Variants in TULP1 observed in about 807,000 individuals in gnomAD.
The protein encoded by TULP1 is tubby-related protein 1.
Under a neutral mutation model 67.1 loss-of-function variants are expected in TULP1, and 50 were observed. The observed-to-expected ratio is 0.75, with a 90% confidence interval of 0.59 to 0.94. TULP1 has a LOEUF of 0.94. TULP1 is among the 40% of genes least tolerant of loss of function. The probability of loss-of-function intolerance (pLI) is 0.00; values close to 1 mark genes in which losing one functional copy is unlikely to be tolerated. For synonymous variants in TULP1, 297 were observed against 294.0 expected (o/e 1.01, Z -0.11); for missense variants, 746 against 734.1 (o/e 1.02, Z -0.19).
intron 8 of TULP1, among the ~76,000 whole-genome samples, chr6:35,508,698 G>A (rs1159056311): frequency 6.6e-6 from 1 of 152,226 alleles, no homozygotes; most frequent in East Asian, 1.9e-4. Context: ...GCTTGGAGGA[G>A]AAACAGGGAG....
Position 35,503,481 on chromosome 6 carries a change from G to A in TULP1, c.1323+78C>T, listed in dbSNP as rs937992601. 2.9e-6 allele frequency: 4 copies of A among 1,390,866 alleles called. No homozygotes were observed. Among genetic ancestry groups the A allele is most frequent in the South Asian group, 1.2e-5 (1 of 80,806 alleles). 86.2% of individuals were successfully genotyped at this position (1,390,866 alleles called of 1,614,324 possible). ...GGAGGGTGATGGATGTGCTCAGGGA[G>A]TTGGCTATTTCCTAAGCTGAGCCCC... On this transcript the variant is annotated intron_variant, in intron 13 of 14. Coordinates refer to ENST00000229771, the MANE Select transcript of TULP1 (RefSeq NM_003322.6). The surrounding 1 kb of genome is among the most constrained non-coding windows in gnomAD (Gnocchi z 4.0).
Position 35,498,364 on chromosome 6 carries a change from G to C in TULP1, c.1592C>G (p.Ala531Gly). 1.2e-6 allele frequency: 2 copies of C among 1,613,300 alleles called. No homozygotes were observed. The highest frequency in any genetic ancestry group is 2.2e-5 in the South Asian group (2 of 90,984). Residue 531 changes from alanine (A) to glycine (G), a missense_variant, in exon 15 of 15, where the codon GCC (alanine) becomes GGC (glycine). Coordinates refer to ENST00000229771, the MANE Select transcript of TULP1 (RefSeq NM_003322.6). This position sits in a 1 kb window ranked among gnomAD's most constrained non-coding sequence, Gnocchi z 6.7. ...CAGCTTCCCGTCGAAACTGGAGAGG[G>C]CGATGGCGAAGGCCTGCAGGGCGCA... ...PLCALQAFAI[A>G]LSSFDGKLAC...
intron 11 of TULP1, chr6:35,505,498 C>T (rs373269469): frequency 8.9e-6 from 10 of 1,124,696 alleles, no homozygotes; most frequent in East Asian, 3.2e-5. Flanking sequence ...GGGCTGGCAG[C>T]AGTGTGGGCA....
chr6:35,504,006 G>A (rs777464279), intron 11 of TULP1, 158 bp from the exon 12 acceptor site: 7 of 609,576 alleles, frequency 1.1e-5, no homozygotes, highest in South Asian at 5.8e-5. Context: ...TTCCCCCTAT[G>A]CAGAGGTCTT....
At chr6:35,505,622 G>A in intron 11 of TULP1, 119 bp downstream of exon 11, 1 of 1,550,288 alleles carries the variant, frequency 6.5e-7, no homozygotes, top group Non-Finnish European at 8.7e-7. Context: ...CCTAGGCTAG[G>A]GGACGTTTCC....
rs865939231 is a variant in TULP1 at position 35,509,084 on chromosome 6, C to T, written c.822+125G>A. 6.6e-5 allele frequency: 57 copies of T among 857,358 alleles called. No individual in the cohort carries two copies. In the African/African-American group the frequency reaches 8.3e-4, roughly 13 times the overall value. The allele number at this position is 857,358 out of a possible 1,614,324, so 53.1% of individuals were successfully genotyped here. A position where few individuals can be genotyped will look rare whatever the true frequency, so the allele number is the denominator to read the frequency against. On this transcript the variant is annotated intron_variant, in intron 8 of 14. Coordinates refer to ENST00000229771, the MANE Select transcript of TULP1 (RefSeq NM_003322.6). ...TTTCCTTTGTCCTTATATCCTGTCA[C>T]AAGAGGGGGAGCCAAGGTTCTAACC...
chr6:35,498,417 GGCGTCCTCC>G lies in TULP1; in HGVS notation c.1530_1538del (p.Glu511_Ala513del), dbSNP rs1768751894. 1 of 1,613,980 alleles carries G rather than the reference GGCGTCCTCC, an allele frequency of 6.2e-7. No homozygotes were observed. Among genetic ancestry groups the G allele is most frequent in the Non-Finnish European group, 8.5e-7 (1 of 1,180,028 alleles). ...GCGGGTACCGGTAGTCTAGGGTGAA[GGCGTCCTCC>G]GCCACGCGGCCGAACTGCAGCACGA... On this transcript the variant is annotated inframe_deletion, in exon 15 of 15. Transcript: ENST00000229771. The surrounding 1 kb of genome is among the most constrained non-coding windows in gnomAD (Gnocchi z 6.7).
At chr6:35,511,579 C>T (rs973200451) in intron 4 of TULP1, 69 bp downstream of exon 4, 21 of 1,554,682 alleles carry the variant, frequency 1.4e-5, no homozygotes, top group Non-Finnish European at 1.7e-5. Context: ...GGGCCGTTCC[C>T]GTCCAGCCAG....
Position 35,512,647 on chromosome 6 carries a change from G to A in TULP1, c.91C>T (p.Pro31Ser), listed in dbSNP as rs770728357. The A allele has an allele frequency of 6.2e-7, 1 of 1,613,914 alleles. No homozygotes were observed. Among genetic ancestry groups the A allele is most frequent in the Non-Finnish European group, 8.5e-7 (1 of 1,179,998 alleles). ...ESLSPEAPRR[P>S]KQRPAPAQRL... ...CAAGTGGGGTGGCATACCTGTTTGG[G>A]GCGCCGCGGGGCCTCCGGGCTCAGG... is the stretch of plus-strand genomic sequence containing the variant. Residue 31 changes from proline (P) to serine (S), a missense_variant, in exon 2 of 15, where the codon CCC (proline) becomes TCC (serine). By Grantham distance (74) the Pro-to-Ser change is moderately conservative. This residue lies in a region of TULP1 where 359 missense variants were observed against 341.9 expected (regional missense o/e 1.05). Coordinates refer to ENST00000229771, the MANE Select transcript of TULP1 (RefSeq NM_003322.6).
chr6:35,499,314 A>G (rs1237050958), intron 14 of TULP1, among the ~76,000 whole-genome samples: 1 of 152,234 alleles, frequency 6.6e-6, no homozygotes, highest in African/African-American at 2.4e-5. Flanking sequence ...CTAAAAGGCA[A>G]CCATCTTGAA....
chr6:35,509,108 C>A lies in TULP1; in HGVS notation c.822+101G>T, dbSNP rs1761139493. 12 of 1,019,434 alleles carry A rather than the reference C, an allele frequency of 1.2e-5. No individual in the cohort carries two copies. In the South Asian group the frequency reaches 1.4e-4, roughly 12 times the overall value. 63.1% of individuals were successfully genotyped at this position (1,019,434 alleles called of 1,614,324 possible). A position where few individuals can be genotyped will look rare whatever the true frequency, so the allele number is the denominator to read the frequency against. On this transcript the variant is annotated intron_variant, in intron 8 of 14. Transcript: ENST00000229771. The stretch of plus-strand genomic sequence containing the variant: ...ACAAGAGGGGGAGCCAAGGTTCTAA[C>A]CTCAAGTGGCTCCAAGCCCCCACCC...
intron 11 of TULP1, among the ~76,000 whole-genome samples, chr6:35,504,565 T>C (rs1347572914): frequency 6.6e-6 from 1 of 152,116 alleles, no homozygotes; most frequent in East Asian, 1.9e-4. Flanking sequence ...GACTTTTTTT[T>C]TCTTTATTTT....
At chr6:35,511,569 G>A in intron 4 of TULP1, 79 bp downstream of exon 4, 1 of 1,548,742 alleles carries the variant, frequency 6.5e-7, no homozygotes. Flanking sequence ...CTGCCTCTCT[G>A]GGCCGTTCCC....
chr6:35,512,779 G>A (rs746907373), intron 1 of TULP1, 33 bp downstream of exon 1: 1 of 1,610,940 alleles, frequency 6.2e-7, no homozygotes, highest in Non-Finnish European at 8.5e-7. Context: ...GCCCCCCAGG[G>A]TTCAGGTGCC....
At position 35,498,017 on chromosome 6, in the gene TULP1, T is replaced by A; in HGVS notation, c.*310A>T. On this transcript the variant is annotated 3_prime_UTR_variant, in exon 15 of 15. Transcript: ENST00000229771. The surrounding 1 kb of genome is among the most constrained non-coding windows in gnomAD (Gnocchi z 6.7). ...GGGAGGTTAAAACAACAATGACTAC[T>A]GCTCCCGGACAGGAAGTGACTGGGG... 1 of 542,854 alleles carries A rather than the reference T, an allele frequency of 1.8e-6. No homozygotes were observed. The highest frequency in any genetic ancestry group is 3.3e-6 in the Non-Finnish European group (1 of 300,766). The allele number at this position is 542,854 out of a possible 1,614,324, so 33.6% of individuals were successfully genotyped here.
Position 35,506,161 on chromosome 6 carries a change from C to A in TULP1, c.841G>T (p.Ala281Ser), listed in dbSNP as rs751304407. Residue 281 changes from alanine (A) to serine (S), a missense_variant, in exon 10 of 15, where the codon GCC becomes TCC. Ala to Ser is a moderately conservative substitution (Grantham distance 99). This residue lies in a region of TULP1 where 383 missense variants were observed against 374.1 expected (regional missense o/e 1.02). Coordinates refer to ENST00000229771, the MANE Select transcript of TULP1 (RefSeq NM_003322.6). ...KGKKKAKEER[A>S]PSPPVEVDEP... is the part of the protein sequence containing the mutation. ...TCCACCTCCACGGGGGGAGACGGGGCCCTCTCCTCCTTCTGGGTGGGGGCA... is the reference window on the plus strand; with the variant it reads ...TCCACCTCCACGGGGGGAGACGGGGACCTCTCCTCCTTCTGGGTGGGGGCA... 1.4e-5 allele frequency: 22 copies of A among 1,613,432 alleles called. No individual in the cohort carries two copies. Among genetic ancestry groups the A allele is most frequent in the Non-Finnish European group, 1.7e-5 (20 of 1,179,872 alleles).
Position 35,498,149 on chromosome 6 carries a change from C to T in TULP1, c.*178G>A. 1.9e-6 allele frequency: 2 copies of T among 1,066,868 alleles called. No homozygotes were observed. The highest frequency in any genetic ancestry group is 5.2e-5 in the East Asian group (2 of 38,274). 66.1% of individuals were successfully genotyped at this position (1,066,868 alleles called of 1,614,324 possible). The stretch of plus-strand genomic sequence containing the variant: ...CGTCCTACCCGCCGTCCGGGCTCCT[C>T]CTGCCTCGGCCTGTGCCAGGCTGGG... On this transcript the variant is annotated 3_prime_UTR_variant, in exon 15 of 15. Transcript: ENST00000229771. The surrounding 1 kb of genome is among the most constrained non-coding windows in gnomAD (Gnocchi z 6.7).
In TULP1 at chr6:35,509,740, C is replaced by T. The variant is rs376202209; in HGVS notation, c.612G>A (p.Glu204=). 1.4e-5 allele frequency: 22 copies of T among 1,613,968 alleles called. No homozygotes were observed. In the African/African-American group the frequency reaches 2.1e-4, roughly 16 times the overall value. Residue 204 remains glutamate (E), a synonymous_variant, in exon 7 of 15, where the codon GAG becomes GAA. Transcript: ENST00000229771. ...MRKTKKKGSG[E]ADKDPSGSPA... Reference sequence around the variant, plus strand: ...GGCTCCCTGAGGGGTCCTTGTCGGCCTCCCCAGACCCTGCATGTGTGGATG... The same window carrying T: ...GGCTCCCTGAGGGGTCCTTGTCGGCTTCCCCAGACCCTGCATGTGTGGATG...
chr6:35,509,656 G>T lies in TULP1; in HGVS notation c.696C>A (p.Asp232Glu). 6.2e-7 allele frequency: 1 copy of T among 1,614,068 alleles called. No individual in the cohort carries two copies. Among genetic ancestry groups the T allele is most frequent in the South Asian group, 1.1e-5 (1 of 91,076 alleles). ...CACCTTTCTTCTTCAGGGCTTTCTT[G>T]TCAGGACTGCCTTCCCCAACCAGAA... is the stretch of plus-strand genomic sequence containing the variant. ...AMFLVGEGSPDKKALKKKGTP... is the reference protein window; with the variant it reads ...AMFLVGEGSPEKKALKKKGTP... The change falls in exon 7 of 15, where the codon GAC becomes GAA. Residue 232 changes from aspartate (D) to glutamate (E), a missense_variant. Asp to Glu is a conservative substitution (Grantham distance 45). Coordinates refer to ENST00000229771, the MANE Select transcript of TULP1 (RefSeq NM_003322.6).
Sources: allele counts gnomAD v4.1 joint callset (sites outside exome capture counted in the v4.1 genomes callset), GRCh38; gene constraint gnomAD v4.1.1; regional missense constraint gnomAD v4.1.1; non-coding constraint Gnocchi (gnomAD v3.1); transcripts MANE v1.5; gene names NCBI Gene and HGNC (gene_info 2026-07-23, HGNC 2026-07-21).